ADA: variants seen among roughly 807,000 people sequenced by gnomAD.
The protein encoded by ADA is adenosine deaminase.
A neutral mutation model predicts 49.0 loss-of-function variants in ADA; 45 were observed. The observed-to-expected ratio is 0.92, with a 90% CI of 0.72 to 1.18. ADA has a LOEUF of 1.18. Ranked by LOEUF, ADA falls within the 50% of genes most tolerant of loss-of-function variation. The pLI is 0.00. For synonymous variants in ADA, 173 were observed against 184.2 expected, an observed-to-expected ratio of 0.94 and a Z score of 0.49; for missense variants, 445 against 472.5, an observed-to-expected ratio of 0.94 and a Z score of 0.54.
At chr20:44,645,060 A>G (rs1039358834) in intron 1 of ADA, among the ~76,000 whole-genome samples, 2 of 152,194 alleles carry the variant, frequency 1.3e-5, no homozygotes, top group South Asian at 2.1e-4. Flanking sequence ...TGCATGCCAC[A>G]TAGCAAGGTG....
At chr20:44,622,097 A>G (rs2065337351) in intron 9 of ADA, among the ~76,000 whole-genome samples, 1 of 152,154 alleles carries the variant, frequency 6.6e-6, no homozygotes, top group African/African-American at 2.4e-5. Flanking sequence ...TGGCGACAGG[A>G]CGGAAGGAGG....
At chr20:44,634,426 G>C (rs558648711) in intron 2 of ADA, among the ~76,000 whole-genome samples, 73 of 152,368 alleles carry the variant, frequency 4.8e-4, no homozygotes, top group Middle Eastern at 6.8e-3. Context: ...CTGACAGGGG[G>C]TAATGGCCAG....
chr20:44,640,661 C>T (rs1177209337), intron 1 of ADA, among the ~76,000 whole-genome samples: 1 of 83,204 alleles, frequency 1.2e-5, no homozygotes, highest in Non-Finnish European at 3.0e-5. Context: ...TGCAAAACTC[C>T]ACCTCAAAAA....
At chr20:44,646,735 A>C (rs2145358648) in intron 1 of ADA, among the ~76,000 whole-genome samples, 1 of 152,120 alleles carries the variant, frequency 6.6e-6, no homozygotes, top group East Asian at 1.9e-4. Context: ...AGTACATCTG[A>C]AGCCCAGGGC....
At chr20:44,648,213 C>A (rs1357720655) in intron 1 of ADA, among the ~76,000 whole-genome samples, 1 of 152,046 alleles carries the variant, frequency 6.6e-6, no homozygotes, top group African/African-American at 2.4e-5. Flanking sequence ...CCCCTGCAAC[C>A]CCCCTTTCCA....
intron 9 of ADA, 87 bp from the exon 10 acceptor site, chr20:44,621,234 C>T (rs1175565500): frequency 1.3e-6 from 2 of 1,545,730 alleles, no homozygotes; most frequent in Non-Finnish European, 1.8e-6. Context: ...CGCCTTTGAT[C>T]CTCACAGCAG....
At chr20:44,622,287 G>A (rs2065339379) in intron 9 of ADA, among the ~76,000 whole-genome samples, 1 of 152,236 alleles carries the variant, frequency 6.6e-6, no homozygotes, top group Admixed American at 6.5e-5. Flanking sequence ...AGGGGGCAGA[G>A]TTGGGAGAAT....
chr20:44,619,578 C>A lies in ADA; in HGVS notation c.*256G>T, dbSNP rs142675084. On this transcript the variant is annotated 3_prime_UTR_variant, in exon 12 of 12. Coordinates refer to ENST00000372874, the MANE Select transcript of ADA (RefSeq NM_000022.4). The stretch of plus-strand genomic sequence containing the variant: ...AGCACCAGATTTTCAGTACAAGTTG[C>A]CACAGAAGGAGGGTTTCAGATTCAA... The A allele has an allele frequency of 2.6e-5, 13 of 495,620 alleles. No homozygotes were observed. The highest frequency in any genetic ancestry group is 4.8e-5 in the Non-Finnish European group (13 of 271,822). 30.7% of individuals were successfully genotyped at this position (495,620 alleles called of 1,614,324 possible).
chr20:44,639,587 AT>A (rs2065513108), intron 1 of ADA, among the ~76,000 whole-genome samples: 1 of 151,954 alleles, frequency 6.6e-6, no homozygotes, highest in Non-Finnish European at 1.5e-5. Context: ...TAATTTTTGT[AT>A]TTTTAGTAGA....
intron 1 of ADA, 50 bp from the exon 2 acceptor site, chr20:44,636,338 T>C: frequency 7.0e-7 from 1 of 1,437,724 alleles, no homozygotes; most frequent in Middle Eastern, 1.7e-4. Flanking sequence ...AGAGAACAAA[T>C]ACCTATGAGT....
intron 1 of ADA, among the ~76,000 whole-genome samples, chr20:44,644,314 A>G (rs1360238443): frequency 6.6e-6 from 1 of 151,928 alleles, no homozygotes; most frequent in Non-Finnish European, 1.5e-5. Context: ...CTGTGTCATC[A>G]TGTCGTGTCC....
chr20:44,644,642 A>G (rs969360875), intron 1 of ADA, among the ~76,000 whole-genome samples: 4 of 152,208 alleles, frequency 2.6e-5, no homozygotes, highest in African/African-American at 9.6e-5. Context: ...TTATGCCACT[A>G]TGGCCTCTCA....
rs387906267 is a variant in ADA, at chr20:44,626,601, T to C, written c.219-2A>G. 2 of 1,613,984 alleles carry C rather than the reference T, an allele frequency of 1.2e-6. No individual in the cohort carries two copies. The highest frequency in any genetic ancestry group is 8.5e-7 in the Non-Finnish European group (1 of 1,180,000). On this transcript the variant is annotated splice_acceptor_variant, in intron 3 of 11. Transcript: ENST00000372874. LOFTEE classifies it high-confidence loss of function. Reference sequence around the variant, plus strand: ...CTTTTGATAGCCTCCCGGCAGCCCCTGGGAAGGGAAGAAAGGGGTTGGGAA... The same window carrying C: ...CTTTTGATAGCCTCCCGGCAGCCCCCGGGAAGGGAAGAAAGGGGTTGGGAA...
At chr20:44,633,214 G>C (rs1295120869) in intron 2 of ADA, among the ~76,000 whole-genome samples, 1 of 152,174 alleles carries the variant, frequency 6.6e-6, no homozygotes. Context: ...AAGGCCCTTG[G>C]TGCCCTTGTC....
chr20:44,623,191 G>A, intron 6 of ADA, 113 bp from the exon 7 acceptor site: 3 of 1,495,410 alleles, frequency 2.0e-6, no homozygotes, highest in Non-Finnish European at 2.7e-6. Context: ...TGCTTCAACA[G>A]CATGGGGAAA....
rs187246587 is a variant in ADA, at chr20:44,632,638, T to C, written c.96-3469A>G. Among the ~76,000 whole-genome samples the C allele has an allele frequency of 5.3e-5, 8 of 152,300 alleles. No homozygotes were observed. In the East Asian group the frequency reaches 1.3e-3, roughly 26 times the overall value. On this transcript the variant is annotated intron_variant, in intron 2 of 11. Coordinates refer to ENST00000372874, the MANE Select transcript of ADA (RefSeq NM_000022.4). ...CCTAGGGCCCTGGCACCTCTTGCTG[T>C]CCCTGGCCACCCACACAAGCGAAGG...
At position 44,621,006 on chromosome 20, in the gene ADA, A is replaced by T. The variant is rs2065325676; in HGVS notation, c.975+12T>A. The T allele has an allele frequency of 6.2e-7, 1 of 1,613,838 alleles. No homozygotes were observed. The highest frequency in any genetic ancestry group is 1.3e-5 in the African/African-American group (1 of 75,018). ...ACCCGAGTCAAGGCCAGTATGGCTC[A>T]CACCCACTCACCAGCCTTTTAAACT... On this transcript the variant is annotated intron_variant, in intron 10 of 11. Coordinates refer to ENST00000372874, the MANE Select transcript of ADA (RefSeq NM_000022.4).
intron 1 of ADA, among the ~76,000 whole-genome samples, chr20:44,637,042 G>A (rs140132660): frequency 6.6e-6 from 1 of 152,220 alleles, no homozygotes; most frequent in East Asian, 1.9e-4. Flanking sequence ...CTGACCTCAG[G>A]TGTCCACCCA....
intron 2 of ADA, among the ~76,000 whole-genome samples, chr20:44,633,677 G>A (rs2065453912): frequency 6.6e-6 from 1 of 152,238 alleles, no homozygotes; most frequent in African/African-American, 2.4e-5. Flanking sequence ...CCAGACCAGG[G>A]CAGTGATCGG....
Sources: gnomAD v4.1 joint callset for allele counts (sites outside exome capture counted in the v4.1 genomes callset) on GRCh38, gnomAD v4.1.1 for gene constraint, MANE v1.5 for transcripts, NCBI Gene and HGNC (gene_info 2026-07-23, HGNC 2026-07-21) for gene names.